Variants in TTN observed in about 807,000 individuals in gnomAD.
TTN encodes connectin.
Under a neutral mutation model 3,223.0 loss-of-function variants are expected in TTN, and 1,525 were observed. The observed-to-expected ratio is 0.47, with a 90% confidence interval of 0.45 to 0.49. The LOEUF (loss-of-function observed/expected upper bound fraction) is 0.49. Among genes scored for constraint, TTN ranks in the 20% least tolerant of loss-of-function variants. TTN has a pLI of 0.00. For synonymous variants in TTN, 14,094 were observed against 15,161.0 expected, an observed-to-expected ratio of 0.93 and a Z score of 5.17; for missense variants, 40,786 against 43,424.0, an observed-to-expected ratio of 0.94 and a Z score of 5.40.
intron 319 of TTN, 52 bp from the exon 320 acceptor site, chr2:178,579,445 C>G: frequency 6.4e-7 from 1 of 1,560,618 alleles, no homozygotes; most frequent in South Asian, 1.2e-5. Flanking sequence ...AGGCGATTAA[C>G]TTTTTCAAAT....
rs181395238 is a variant in TTN, at chr2:178,682,837, C to T, written c.32954G>A (p.Arg10985Gln). 38 of 1,612,806 alleles carry T rather than the reference C, an allele frequency of 2.4e-5. No homozygotes were observed. Among genetic ancestry groups the T allele is most frequent in the South Asian group, 1.1e-4 (10 of 90,948 alleles). ...TTCATATTCCTCATATTCTTCTTCC[C>T]GTTGTACTGAAACAGCTTCTTCTTC... ...TLEEEAVSVQ[R>Q]EEEYEEYEEY... Residue 10985 changes from arginine to glutamine, a missense_variant, in exon 135 of 363, where the codon CGG (arginine) becomes CAG (glutamine). Physicochemically the swap from Arg to Gln is conservative, Grantham distance 43 (BLOSUM62 1). Transcript: ENST00000589042.
chr2:178,689,266 C>A (rs780432696), intron 124 of TTN, 24 bp downstream of exon 124: 19 of 1,608,402 alleles, frequency 1.2e-5, no homozygotes, highest in Non-Finnish European at 1.4e-5. Flanking sequence ...AAAGACAGTT[C>A]TTGGGAAGAT....
In TTN at chr2:178,562,902, A is replaced by G; in HGVS notation, c.83230T>C (p.Tyr27744His). ...DNVTRFDSGR[Y>H]NLTLENNSGS... ...CTATTATTTTCTAATGTCAGATTAT[A>G]CCGACCACTGTCAAATCTGGTAACA... is the stretch of plus-strand genomic sequence containing the variant. Residue 27744 changes from tyrosine to histidine, a missense_variant, in exon 326 of 363, where the codon TAT (tyrosine) becomes CAT (histidine). Tyr to His is a moderately conservative substitution (Grantham distance 83). Coordinates refer to ENST00000589042, the MANE Select transcript of TTN (RefSeq NM_001267550.2). 6.2e-7 allele frequency: 1 copy of G among 1,613,528 alleles called. No homozygotes were observed. The highest frequency in any genetic ancestry group is 8.5e-7 in the Non-Finnish European group (1 of 1,179,714).
Position 178,574,512 on chromosome 2 carries a change from G to C in TTN, c.71620C>G (p.Gln23874Glu). Residue 23874 changes from glutamine to glutamate, a missense_variant, in exon 326 of 363, where the codon CAG (glutamine) becomes GAG (glutamate). Transcript: ENST00000589042. ...GGTACTAAAGCTTTGCTCACAGTCTGCCAGAGAATACCATTTCGTTCTTTT... is the reference window on the plus strand; with the variant it reads ...GGTACTAAAGCTTTGCTCACAGTCTCCCAGAGAATACCATTTCGTTCTTTT... ...ERKERNGILW[Q>E]TVSKALVPGN... The C allele has an allele frequency of 6.2e-7, 1 of 1,613,564 alleles. No homozygotes were observed. The highest frequency in any genetic ancestry group is 8.5e-7 in the Non-Finnish European group (1 of 1,179,608).
chr2:178,607,008 C>T lies in TTN; in HGVS notation c.53581+13G>A. 1 of 1,598,994 alleles carries T rather than the reference C, an allele frequency of 6.3e-7. No individual in the cohort carries two copies. The highest frequency in any genetic ancestry group is 8.5e-7 in the Non-Finnish European group (1 of 1,175,936). ...ACATTACTCTATAAACACAATGAAA[C>T]CTTCTCTTTTACCTAGTGGATCAAC... On this transcript the variant is annotated intron_variant, in intron 278 of 362. Coordinates refer to ENST00000589042, the MANE Select transcript of TTN (RefSeq NM_001267550.2).
chr2:178,534,211 A>G lies in TTN; in HGVS notation c.102404T>C (p.Ile34135Thr), dbSNP rs917268577. 2.5e-6 allele frequency: 4 copies of G among 1,613,940 alleles called. No homozygotes were observed. Among genetic ancestry groups the G allele is most frequent in the Middle Eastern group, 1.6e-4 (1 of 6,062 alleles). ...VAKVKVASIE[I>T]GPVSGQIMHA... Reference sequence around the variant, plus strand: ...CATTATCTGCCCAGAAACTGGGCCAATTTCAATGGATGCCACTTTAACTTT... The same window carrying G: ...CATTATCTGCCCAGAAACTGGGCCAGTTTCAATGGATGCCACTTTAACTTT... Residue 34135 changes from isoleucine to threonine, a missense_variant, in exon 358 of 363, where the codon ATT (isoleucine) becomes ACT (threonine). By Grantham distance (89) the Ile-to-Thr change is moderately conservative. Transcript: ENST00000589042.
chr2:178,626,765 T>G (rs544348023), intron 240 of TTN, among the ~76,000 whole-genome samples: 2 of 152,060 alleles, frequency 1.3e-5, no homozygotes, highest in African/African-American at 2.4e-5. Context: ...TAATAACATT[T>G]CAGTATAAAT....
Position 178,593,428 on chromosome 2 carries a change from C to T in TTN, c.58780G>A (p.Asp19594Asn), listed in dbSNP as rs2050669783. The change falls in exon 299 of 363, where the codon GAC becomes AAC. Residue 19594 changes from aspartate to asparagine, a missense_variant. Coordinates refer to ENST00000589042, the MANE Select transcript of TTN (RefSeq NM_001267550.2). ...TTATTCCAGGTTACTAATGCAGAGTCTTTGGTAACTTCTGTAACAATTGGC... is the reference window on the plus strand; with the variant it reads ...TTATTCCAGGTTACTAATGCAGAGTTTTTGGTAACTTCTGTAACAATTGGC... ...DQPIVTEVTKDSALVTWNKPH... is the reference protein window; with the variant it reads ...DQPIVTEVTKNSALVTWNKPH... The T allele has an allele frequency of 6.2e-7, 1 of 1,613,042 alleles. No individual in the cohort carries two copies. The highest frequency in any genetic ancestry group is 1.3e-5 in the African/African-American group (1 of 74,868).
intron 208 of TTN, 134 bp from the exon 209 acceptor site, chr2:178,650,968 C>A: frequency 2.0e-6 from 2 of 977,258 alleles, no homozygotes; most frequent in Non-Finnish European, 3.1e-6. Flanking sequence ...GGTCAGTGAT[C>A]TGTCTTTGGA....
chr2:178,565,012 G>A lies in TTN; in HGVS notation c.81120C>T (p.Gly27040=), dbSNP rs879031693. The change falls in exon 326 of 363, where the codon GGC becomes GGT. Residue 27040 remains glycine, a synonymous_variant. Transcript: ENST00000589042. ...TTIKITKLKT[G]TEYQFRIFAE... ...CAAAAATTCTAAACTGGTACTCCGT[G>A]CCTGTTTTCAGTTTGGTTATTTTAA... 1 of 1,613,152 alleles carries A rather than the reference G, an allele frequency of 6.2e-7. No individual in the cohort carries two copies. The highest frequency in any genetic ancestry group is 1.3e-5 in the African/African-American group (1 of 74,876).
intron 316 of TTN, among the ~76,000 whole-genome samples, chr2:178,581,094 A>G (rs1314201710): frequency 6.6e-6 from 1 of 152,096 alleles, no homozygotes; most frequent in African/African-American, 2.4e-5. Context: ...AGAAATAAGA[A>G]GAAGGGAAAT....
intron 346 of TTN, 77 bp from the exon 347 acceptor site, chr2:178,543,739 T>C (rs1292105638): frequency 6.5e-7 from 1 of 1,531,386 alleles, no homozygotes; most frequent in Non-Finnish European, 8.8e-7. Flanking sequence ...ATAATCAACA[T>C]AGTTCCTTTC....
Position 178,545,485 on chromosome 2 carries a change from C to T in TTN, c.95625G>A (p.Glu31875=). The T allele has an allele frequency of 6.2e-7, 1 of 1,613,552 alleles. No individual in the cohort carries two copies. Among genetic ancestry groups the T allele is most frequent in the East Asian group, 2.2e-5 (1 of 44,856 alleles). ...TCACCCGGAACTGGTAATCACAACCCTCCATCAGGCTGGTCACCTTCAGCC... is the reference window on the plus strand; with the variant it reads ...TCACCCGGAACTGGTAATCACAACCTTCCATCAGGCTGGTCACCTTCAGCC... ...DTRLKVTSLM[E]GCDYQFRVTA... The change falls in exon 344 of 363, where the codon GAG becomes GAA. Residue 31875 remains glutamate, a synonymous_variant. Transcript: ENST00000589042.
At chr2:178,748,726 A>G in intron 47 of TTN, 1 of 1,612,692 alleles carries the variant, frequency 6.2e-7, no homozygotes, top group African/African-American at 1.3e-5. Context: ...TTGCAGGTTT[A>G]TCTATAAGAC....
intron 294 of TTN, 145 bp downstream of exon 294, chr2:178,597,393 A>G (rs1559646379): frequency 2.0e-6 from 2 of 998,906 alleles, no homozygotes; most frequent in South Asian, 3.5e-5. Context: ...GGAAATTTTT[A>G]AAAATTCTAA....
chr2:178,606,380 T>G (rs1182817075), intron 278 of TTN, among the ~76,000 whole-genome samples: 1 of 151,932 alleles, frequency 6.6e-6, no homozygotes, highest in Non-Finnish European at 1.5e-5. Context: ...TGTATTTTTT[T>G]TTTTCAGGGG....
intron 13 of TTN, among the ~76,000 whole-genome samples, chr2:178,788,124 T>C (rs945492984): frequency 6.6e-6 from 1 of 152,112 alleles, no homozygotes; most frequent in African/African-American, 2.4e-5. Context: ...TGAAAAGTTA[T>C]GAGAGTTGAT....
rs868609459 is a variant in TTN at position 178,585,939 on chromosome 2, T to A, written c.64396+566A>T. 2.6e-5 allele frequency among the ~76,000 whole-genome samples: 4 copies of A among 152,216 alleles called. No homozygotes were observed. The Middle Eastern group carries it at 0.01, about 388-fold the overall frequency. On this transcript the variant is annotated intron_variant, in intron 308 of 362. Coordinates refer to ENST00000589042, the MANE Select transcript of TTN (RefSeq NM_001267550.2). ...GTCTTTATAGTAGAATGATTTATAA[T>A]CCTTTGGGTATATACCCAGTAATGA...
chr2:178,793,024 T>G (rs1050636851), intron 9 of TTN, among the ~76,000 whole-genome samples: 6 of 152,378 alleles, frequency 3.9e-5, no homozygotes, highest in Admixed American at 1.3e-4. Context: ...CTAAGATTTC[T>G]AAAGCAAAGT....
Sources: allele counts gnomAD v4.1 joint callset (sites outside exome capture counted in the v4.1 genomes callset), GRCh38; gene constraint gnomAD v4.1.1; transcripts MANE v1.5; gene names NCBI Gene and HGNC (gene_info 2026-07-23, HGNC 2026-07-21).